Variants in XKR6 observed in about 807,000 individuals in gnomAD.
XKR6 encodes the protein XK related 6, also known as XK-related protein 6.
A neutral mutation model predicts 56.7 loss-of-function variants in XKR6; 22 were observed. The ratio of observed to expected loss-of-function variants is 0.39; its 90% CI spans 0.28 to 0.55. The LOEUF is 0.55. XKR6 is among the 20% of genes least tolerant of loss of function. XKR6 has a pLI of 0.66. For synonymous variants in XKR6, 524 were observed against 387.8 expected, an observed-to-expected ratio of 1.35 and a Z score of -4.13; for missense variants, 852 against 889.0, an observed-to-expected ratio of 0.96 and a Z score of 0.53.
At chr8:11,110,471 C>T (rs1248459517) in intron 1 of XKR6, among the ~76,000 whole-genome samples, 1 of 152,200 alleles carries the variant, frequency 6.6e-6, no homozygotes, top group Non-Finnish European at 1.5e-5. Flanking sequence ...CACCAACCAT[C>T]AAACTTTCAA....
chr8:11,170,662 C>T (rs1802319717), intron 1 of XKR6, among the ~76,000 whole-genome samples: 1 of 152,160 alleles, frequency 6.6e-6, no homozygotes, highest in African/African-American at 2.4e-5. Context: ...ATACAAAAAA[C>T]AATCGCACAA....
chr8:11,178,242 GTCTAC>G (rs1057002305), intron 1 of XKR6, among the ~76,000 whole-genome samples: 3 of 152,052 alleles, frequency 2.0e-5, no homozygotes, highest in Non-Finnish European at 4.4e-5. Flanking sequence ...CAACAAATCT[GTCTAC>G]TCTAGACAAT....
chr8:11,122,967 T>C (rs1799528395), intron 1 of XKR6, among the ~76,000 whole-genome samples: 1 of 151,612 alleles, frequency 6.6e-6, no homozygotes, highest in Non-Finnish European at 1.5e-5. Flanking sequence ...CCGGGTGCAG[T>C]GGCTCACGCC....
At chr8:11,131,053 C>G (rs1800079795) in intron 1 of XKR6, among the ~76,000 whole-genome samples, 1 of 152,118 alleles carries the variant, frequency 6.6e-6, no homozygotes, top group Non-Finnish European at 1.5e-5. Flanking sequence ...GAGATTCTGT[C>G]CCGGGGGATT....
At chr8:11,128,337 G>C (rs991211273) in intron 1 of XKR6, among the ~76,000 whole-genome samples, 1 of 152,190 alleles carries the variant, frequency 6.6e-6, no homozygotes, top group African/African-American at 2.4e-5. Flanking sequence ...CTGTGGGAAA[G>C]TCATTCAATC....
At chr8:10,991,805 T>C (rs892130832) in intron 1 of XKR6, among the ~76,000 whole-genome samples, 2 of 152,230 alleles carry the variant, frequency 1.3e-5, no homozygotes. Context: ...AAACAGCATT[T>C]TTCTTTTTAC....
chr8:11,116,321 G>A (rs1012790741), intron 1 of XKR6, among the ~76,000 whole-genome samples: 3 of 152,094 alleles, frequency 2.0e-5, no homozygotes, highest in Non-Finnish European at 4.4e-5. Flanking sequence ...AATTTGTCCT[G>A]TGTCAACACA....
At chr8:10,998,335 C>T (rs538355360) in intron 1 of XKR6, among the ~76,000 whole-genome samples, 1 of 152,276 alleles carries the variant, frequency 6.6e-6, no homozygotes, top group East Asian at 1.9e-4. Flanking sequence ...ATTGTTTTAA[C>T]ACCAGCTGTC....
intron 2 of XKR6, among the ~76,000 whole-genome samples, chr8:10,921,425 C>T (rs531645275): frequency 2.2e-4 from 34 of 152,260 alleles, no homozygotes; most frequent in Middle Eastern, 3.4e-3. Context: ...GGGAGGTGAC[C>T]GTCAGAGCCC....
intron 1 of XKR6, among the ~76,000 whole-genome samples, chr8:11,144,886 G>C (rs1042581463): frequency 6.7e-6 from 1 of 148,788 alleles, no homozygotes; most frequent in African/African-American, 2.4e-5. Context: ...GGAGAGAAGG[G>C]GAAGGGGAAG....
At chr8:11,191,713 A>C (rs1055060820) in intron 1 of XKR6, among the ~76,000 whole-genome samples, 2 of 152,080 alleles carry the variant, frequency 1.3e-5, no homozygotes, top group East Asian at 1.9e-4. Flanking sequence ...AAAAAAAAAA[A>C]AAAACAGAGA....
chr8:11,117,364 G>T (rs1429267542), intron 1 of XKR6, among the ~76,000 whole-genome samples: 1 of 152,132 alleles, frequency 6.6e-6, no homozygotes, highest in Non-Finnish European at 1.5e-5. Context: ...ATTTCTGTGG[G>T]AGTCCTGCAA....
chr8:10,910,252 T>C (rs936920821), intron 2 of XKR6, among the ~76,000 whole-genome samples: 3 of 151,570 alleles, frequency 2.0e-5, no homozygotes, highest in Non-Finnish European at 2.9e-5. Context: ...AGGTTGAAAC[T>C]GTGATAGGGT....
At chr8:11,025,968 G>T (rs73541254) in intron 1 of XKR6, among the ~76,000 whole-genome samples, 1 of 152,118 alleles carries the variant, frequency 6.6e-6, no homozygotes, top group African/African-American at 2.4e-5. Context: ...ATCAGTACAA[G>T]AGATTAAAAC....
chr8:10,966,571 G>A (rs1339103544), intron 1 of XKR6, among the ~76,000 whole-genome samples: 2 of 152,162 alleles, frequency 1.3e-5, no homozygotes, highest in African/African-American at 4.8e-5. Flanking sequence ...CTACACGGGA[G>A]GCTGAGGCAG....
intron 1 of XKR6, among the ~76,000 whole-genome samples, chr8:11,037,813 G>C (rs192315804): frequency 6.6e-6 from 1 of 150,838 alleles, no homozygotes; most frequent in Non-Finnish European, 1.5e-5. Context: ...AGCCGAGATC[G>C]TGCCACTGCA....
chr8:11,127,543 G>C (rs920222664), intron 1 of XKR6, among the ~76,000 whole-genome samples: 8 of 152,140 alleles, frequency 5.3e-5, no homozygotes, highest in Non-Finnish European at 8.8e-5. Flanking sequence ...CCAGCTTCTA[G>C]GGACCACATA....
chr8:11,013,760 A>G (rs118103120), intron 1 of XKR6, among the ~76,000 whole-genome samples: 4,090 of 152,310 alleles, frequency 0.027, 100 homozygotes, highest in Non-Finnish European at 0.04. Flanking sequence ...CATGTTTGGC[A>G]GAATGAATTA....
At chr8:11,039,469 G>A (rs963683618) in intron 1 of XKR6, among the ~76,000 whole-genome samples, 3 of 152,224 alleles carry the variant, frequency 2.0e-5, no homozygotes, top group Non-Finnish European at 4.4e-5. Flanking sequence ...TGAGGGACGC[G>A]CACTGCCCAT....
Sources: allele counts gnomAD v4.1 joint callset (sites outside exome capture counted in the v4.1 genomes callset), GRCh38; gene constraint gnomAD v4.1.1; transcripts MANE v1.5; gene names NCBI Gene and HGNC (gene_info 2026-07-23, HGNC 2026-07-21).